DMD: variants seen among roughly 807,000 people sequenced by gnomAD.
DMD encodes dystrophin.
DMD carries 63 observed loss-of-function variants against 330.1 expected under a neutral mutation model. The ratio of observed to expected loss-of-function variants is 0.19; its 90% CI spans 0.16 to 0.24. The LOEUF (loss-of-function observed/expected upper bound fraction) is 0.24, where lower values mean the gene tolerates loss of function less well. Ranked by LOEUF, DMD falls within the 10% of genes least tolerant of loss-of-function variation. The pLI is 1.00. For missense variants in DMD, 3,344 were observed against 2,684.1 expected, an observed-to-expected ratio of 1.25 and a Z score of -5.43; for synonymous variants, 1,223 against 959.8, an observed-to-expected ratio of 1.27 and a Z score of -5.07.
chrX:32,152,022 C>G (rs1245647537), intron 44 of DMD, among the ~76,000 whole-genome samples: 1 of 111,501 alleles, frequency 9.0e-6, no homozygotes, highest in Non-Finnish European at 1.9e-5. Flanking sequence ...AGTATATATG[C>G]CCTTGTACAC....
At chrX:32,400,112 A>C (rs2098075676) in intron 30 of DMD, among the ~76,000 whole-genome samples, 1 of 111,590 alleles carries the variant, frequency 9.0e-6, no homozygotes, top group South Asian at 3.7e-4. Context: ...GATAGCTCTT[A>C]TTATTTTGAA....
intron 21 of DMD, among the ~76,000 whole-genome samples, chrX:32,484,156 CAT>C (rs1259246948): frequency 9.0e-6 from 1 of 111,306 alleles, no homozygotes; most frequent in Non-Finnish European, 1.9e-5. Context: ...CACATGAACA[CAT>C]ATATGCATGT....
At chrX:31,248,474 A>G (rs770959342) in intron 63 of DMD, among the ~76,000 whole-genome samples, 1 of 112,125 alleles carries the variant, frequency 8.9e-6, no homozygotes, top group African/African-American at 3.2e-5. Flanking sequence ...TTTCCTTTGA[A>G]CCCAGGATGT....
chrX:32,257,971 GAAA>G (rs141361608), intron 43 of DMD, among the ~76,000 whole-genome samples: 1 of 102,011 alleles, frequency 9.8e-6, no homozygotes, highest in Non-Finnish European at 2.0e-5. Context: ...AAATTTACAA[GAAA>G]AAAAAAAACC....
chrX:31,560,592 G>A (rs745637361), intron 55 of DMD, among the ~76,000 whole-genome samples: 8 of 110,715 alleles, frequency 7.2e-5, no homozygotes, highest in East Asian at 2.9e-4. Flanking sequence ...AGACAGTGCC[G>A]TGATCTGTAA....
chrX:32,079,730 C>T (rs2096378502), intron 44 of DMD, among the ~76,000 whole-genome samples: 1 of 111,884 alleles, frequency 8.9e-6, no homozygotes, highest in Non-Finnish European at 1.9e-5. Context: ...TGTAATTTTA[C>T]CCCATTTTAA....
chrX:32,952,346 C>T (rs1300527063), intron 2 of DMD, among the ~76,000 whole-genome samples: 9 of 110,552 alleles, frequency 8.1e-5, no homozygotes, highest in Non-Finnish European at 1.3e-4. Flanking sequence ...GTTGGTCAGG[C>T]TGGTCTTGAA....
chrX:31,265,284 G>C (rs1458973326), intron 62 of DMD, among the ~76,000 whole-genome samples: 7 of 111,938 alleles, frequency 6.3e-5, no homozygotes, highest in Non-Finnish European at 1.3e-4. Context: ...CTGAATTGTT[G>C]AACTTGGCTT....
intron 18 of DMD, among the ~76,000 whole-genome samples, chrX:32,509,508 T>C (rs886678748): frequency 8.9e-6 from 1 of 111,811 alleles, no homozygotes; most frequent in African/African-American, 3.3e-5. Flanking sequence ...AGGTCTATCT[T>C]GCAAAGTAAA....
At chrX:31,587,487 T>G (rs949916783) in intron 55 of DMD, among the ~76,000 whole-genome samples, 2 of 112,523 alleles carry the variant, frequency 1.8e-5, no homozygotes, top group African/African-American at 3.2e-5. Context: ...AAATCAGTTG[T>G]ATTACTTAAG....
intron 2 of DMD, among the ~76,000 whole-genome samples, chrX:32,982,258 T>C (rs2092725152): frequency 9.0e-6 from 1 of 111,712 alleles, no homozygotes; most frequent in African/African-American, 3.2e-5. Context: ...CAAATTAGTA[T>C]AAGCCTTTGC....
chrX:32,793,505 TAA>T (rs2075970844), intron 7 of DMD, among the ~76,000 whole-genome samples: 1 of 107,679 alleles, frequency 9.3e-6, no homozygotes, highest in Non-Finnish European at 1.9e-5. Flanking sequence ...GTTTGATTTT[TAA>T]AAAGATGAAA....
At chrX:32,977,407 G>C (rs1386528328) in intron 2 of DMD, among the ~76,000 whole-genome samples, 1 of 111,884 alleles carries the variant, frequency 8.9e-6, no homozygotes, top group Non-Finnish European at 1.9e-5. Context: ...GCCTTCAGAT[G>C]TTTATTTTAG....
chrX:32,418,369 T>G (rs148982239), intron 29 of DMD, among the ~76,000 whole-genome samples: 114 of 111,514 alleles, frequency 1.0e-3, no homozygotes, highest in African/African-American at 3.6e-3. Flanking sequence ...TCTGAAGAGA[T>G]AAAGAACTTA....
intron 43 of DMD, 71 bp downstream of exon 43, chrX:32,287,458 A>G: frequency 1.9e-6 from 2 of 1,047,667 alleles, no homozygotes; most frequent in Non-Finnish European, 2.7e-6. Context: ...GAGGGTACTG[A>G]AATAAATTCT....
intron 44 of DMD, among the ~76,000 whole-genome samples, chrX:31,991,072 T>C (rs896597046): frequency 1.8e-5 from 2 of 111,454 alleles, no homozygotes; most frequent in Admixed American, 1.9e-4. Flanking sequence ...TAAGACATGG[T>C]TGATGAGATG....
intron 2 of DMD, among the ~76,000 whole-genome samples, chrX:33,006,540 A>G (rs12847208): frequency 0.035 from 3,906 of 111,334 alleles, 123 homozygotes; most frequent in East Asian, 0.2. Flanking sequence ...ATCTACATGC[A>G]AAAAAATGAA....
chrX:32,844,417 A>AAAAAAAAG (rs1557079055), intron 4 of DMD, among the ~76,000 whole-genome samples: 6 of 59,242 alleles, frequency 1.0e-4, no homozygotes, highest in African/African-American at 7.3e-4. Flanking sequence ...AAAAAAAAAA[A>AAAAAAAAG]AAAAGAAAAG....
At chrX:32,155,433 G>A (rs1261658618) in intron 44 of DMD, 1 of 752,762 alleles carries the variant, frequency 1.3e-6, no homozygotes, top group Non-Finnish European at 1.6e-6. Flanking sequence ...AGAGCAGCCA[G>A]CAATGCCTCC....
Sources: gnomAD v4.1 joint callset for allele counts (sites outside exome capture counted in the v4.1 genomes callset) on GRCh38, gnomAD v4.1.1 for gene constraint, MANE v1.5 for transcripts, NCBI Gene and HGNC (gene_info 2026-07-23, HGNC 2026-07-21) for gene names.